Variants in SLC25A12 observed in about 807,000 individuals in gnomAD.
SLC25A12 encodes the protein solute carrier family 25 member 12.
A neutral mutation model predicts 83.3 loss-of-function variants in SLC25A12; 32 were observed. The observed-to-expected ratio is 0.38, with a 90% CI of 0.29 to 0.52. SLC25A12 has a LOEUF of 0.52. SLC25A12 is among the 20% of genes least tolerant of loss of function. The pLI is 0.84. For missense variants in SLC25A12, 611 were observed against 835.6 expected, an observed-to-expected ratio of 0.73 and a Z score of 3.31; for synonymous variants, 267 against 291.1, an observed-to-expected ratio of 0.92 and a Z score of 0.84.
rs190073255 is a variant in SLC25A12, at chr2:171,881,538, T to C, written c.66+11667A>G. ...TTACCTCTTAGGTGGCAGGGAATTA[T>C]TGGCTTTTGGGGTAGAGCTCAGGAA... On this transcript the variant is annotated intron_variant, in intron 2 of 17. Coordinates refer to ENST00000422440, the MANE Select transcript of SLC25A12 (RefSeq NM_003705.5). 3.5e-3 allele frequency among the ~76,000 whole-genome samples: 538 copies of C among 152,296 alleles called. 13 individuals are homozygous for C. The highest frequency in any genetic ancestry group is 0.031 in the Admixed American group (468 of 15,292).
intron 17 of SLC25A12, among the ~76,000 whole-genome samples, chr2:171,787,141 C>T (rs1230818068): frequency 6.6e-6 from 1 of 151,946 alleles, no homozygotes; most frequent in East Asian, 1.9e-4. Context: ...CTGGGCAACA[C>T]AGTGAGATCC....
At chr2:171,815,569 A>T (rs1467403869) in intron 9 of SLC25A12, among the ~76,000 whole-genome samples, 3 of 152,124 alleles carry the variant, frequency 2.0e-5, no homozygotes, top group Admixed American at 6.5e-5. Flanking sequence ...CAGTTATAAA[A>T]TTTTTTTCCT....
intron 9 of SLC25A12, among the ~76,000 whole-genome samples, chr2:171,819,120 A>C (rs1684117541): frequency 7.1e-6 from 1 of 140,730 alleles, no homozygotes; most frequent in African/African-American, 2.6e-5. Flanking sequence ...TATATATATA[A>C]TATATAATAC....
At position 171,875,186 on chromosome 2, in the gene SLC25A12, T is replaced by C. The variant is rs192696528; in HGVS notation, c.67-6363A>G. Reference sequence around the variant, plus strand: ...AATCAGACCAATTGCGGGCCACCACTTCATTTACATGAGGTAAGCACCAAG... The same window carrying C: ...AATCAGACCAATTGCGGGCCACCACCTCATTTACATGAGGTAAGCACCAAG... On this transcript the variant is annotated intron_variant, in intron 2 of 17. Transcript: ENST00000422440. 1.8e-3 allele frequency among the ~76,000 whole-genome samples: 275 copies of C among 152,288 alleles called. 2 individuals are homozygous for C. The highest frequency in any genetic ancestry group is 6.4e-3 in the African/African-American group (264 of 41,554).
At chr2:171,834,479 T>A in intron 7 of SLC25A12, 2 of 523,498 alleles carry the variant, frequency 3.8e-6, no homozygotes, top group South Asian at 4.4e-5. Context: ...GCTGCCACAC[T>A]GCCACTGACC....
intron 3 of SLC25A12, among the ~76,000 whole-genome samples, chr2:171,862,612 C>T (rs993299429): frequency 3.3e-5 from 5 of 152,158 alleles, no homozygotes; most frequent in African/African-American, 9.7e-5. Flanking sequence ...CACAAAAGAG[C>T]GTGTTTCAAC....
chr2:171,836,275 T>C (rs1403541607), intron 6 of SLC25A12, among the ~76,000 whole-genome samples: 2 of 152,174 alleles, frequency 1.3e-5, no homozygotes, highest in Non-Finnish European at 2.9e-5. Flanking sequence ...TCAGGGATAA[T>C]GATCTTCAGC....
intron 9 of SLC25A12, among the ~76,000 whole-genome samples, chr2:171,826,583 T>C (rs1016584493): frequency 6.6e-6 from 1 of 152,192 alleles, no homozygotes; most frequent in African/African-American, 2.4e-5. Flanking sequence ...CACTCCAGCC[T>C]GGGCAACACA....
At chr2:171,881,572 A>G (rs945527561) in intron 2 of SLC25A12, among the ~76,000 whole-genome samples, 2 of 152,168 alleles carry the variant, frequency 1.3e-5, no homozygotes, top group Non-Finnish European at 1.5e-5. Context: ...AAGGACTTCA[A>G]GCCTTCAGAA....
intron 2 of SLC25A12, among the ~76,000 whole-genome samples, chr2:171,885,091 T>C (rs1366229468): frequency 6.6e-6 from 1 of 150,474 alleles, no homozygotes; most frequent in Non-Finnish European, 1.5e-5. Flanking sequence ...CGGGCGCCTG[T>C]AGTCCCAGCT....
At chr2:171,791,699 C>A in intron 14 of SLC25A12, 110 bp from the exon 15 acceptor site, 1 of 1,027,296 alleles carries the variant, frequency 9.7e-7, no homozygotes, top group East Asian at 2.4e-5. Flanking sequence ...CCCTCAGTGA[C>A]AAGCCTGAGG....
At chr2:171,871,812 G>A (rs1438872124) in intron 2 of SLC25A12, 2 of 887,654 alleles carry the variant, frequency 2.3e-6, no homozygotes, top group African/African-American at 1.8e-5. Context: ...AGCATTCAAA[G>A]CATTTGAGAG....
Position 171,868,772 on chromosome 2 carries a change from C to A in SLC25A12, c.118G>T (p.Val40Phe), listed in dbSNP as rs756807708. 3 of 1,613,582 alleles carry A rather than the reference C, an allele frequency of 1.9e-6. No individual in the cohort carries two copies. The highest frequency in any genetic ancestry group is 2.5e-6 in the Non-Finnish European group (3 of 1,179,550). The change falls in exon 3 of 18, where the codon GTT (valine) becomes TTT (phenylalanine). Residue 40 changes from valine to phenylalanine, a missense_variant. This residue lies in a region of SLC25A12 where 540 missense variants were observed against 777.5 expected (regional missense o/e 0.69). Transcript: ENST00000422440. The part of the protein sequence containing the change: ...GERYMTPEDF[V>F]QRYLGLYNDP... ...TTATACAGTCCAAGATAGCGCTGAA[C>A]AAAGTCTTCTGGGGTCATATAACGC... is the stretch of plus-strand genomic sequence containing the variant.
chr2:171,814,653 C>T (rs1226118989), intron 10 of SLC25A12, among the ~76,000 whole-genome samples: 3 of 151,920 alleles, frequency 2.0e-5, no homozygotes, highest in Non-Finnish European at 2.9e-5. Flanking sequence ...CCACCCTCCC[C>T]CACAAGTAGA....
At chr2:171,790,449 A>G (rs1433004343) in intron 15 of SLC25A12, among the ~76,000 whole-genome samples, 1 of 152,182 alleles carries the variant, frequency 6.6e-6, no homozygotes, top group Non-Finnish European at 1.5e-5. Context: ...GGCTGTACCT[A>G]TGAGGTCAGA....
intron 15 of SLC25A12, among the ~76,000 whole-genome samples, chr2:171,791,098 G>A (rs1683442979): frequency 6.6e-6 from 1 of 152,086 alleles, no homozygotes; most frequent in Non-Finnish European, 1.5e-5. Context: ...ATACAGCTAA[G>A]CAACTGATTT....
intron 13 of SLC25A12, among the ~76,000 whole-genome samples, chr2:171,803,110 C>G (rs1683744576): frequency 6.6e-6 from 1 of 151,074 alleles, no homozygotes; most frequent in Non-Finnish European, 1.5e-5. Flanking sequence ...TAATATCTCT[C>G]TCTGTTCAAG....
chr2:171,789,187 A>T (rs1181254979), intron 15 of SLC25A12, among the ~76,000 whole-genome samples: 1 of 152,010 alleles, frequency 6.6e-6, no homozygotes, highest in South Asian at 2.1e-4. Context: ...CCAAGATGGG[A>T]GGATCACCTG....
rs758268906 is a variant in SLC25A12, at chr2:171,785,330, T to G, written c.1981A>C (p.Lys661Gln). 12 of 1,614,082 alleles carry G rather than the reference T, an allele frequency of 7.4e-6. No homozygotes were observed. The highest frequency in any genetic ancestry group is 4.5e-5 in the East Asian group (2 of 44,892). Reference sequence around the variant, plus strand: ...TGAACCACAGCAACACTAGGAGACTTAAATTTCGGGAGATAAAGGCCAAAT... The same window carrying G: ...TGAACCACAGCAACACTAGGAGACTGAAATTTCGGGAGATAAAGGCCAAAT... ...NKFGLYLPKFKSPSVAVVQPK... is the reference protein window; with the variant it reads ...NKFGLYLPKFQSPSVAVVQPK... The change falls in exon 18 of 18, where the codon AAG becomes CAG. Residue 661 changes from lysine (K) to glutamine (Q), a missense_variant. Physicochemically the swap from Lys to Gln is moderately conservative, Grantham distance 53. Coordinates refer to ENST00000422440, the MANE Select transcript of SLC25A12 (RefSeq NM_003705.5).
Sources: allele counts gnomAD v4.1 joint callset (sites outside exome capture counted in the v4.1 genomes callset), GRCh38; gene constraint gnomAD v4.1.1; regional missense constraint gnomAD v4.1.1; transcripts MANE v1.5; gene names NCBI Gene and HGNC (gene_info 2026-07-23, HGNC 2026-07-21).